The following SRGAP1 variants were observed in gnomAD, a reference collection of about 807,000 sequenced individuals.
SRGAP1 encodes the protein SLIT-ROBO Rho GTPase-activating protein 1.
SRGAP1 carries 43 observed loss-of-function variants against 121.9 expected under a neutral mutation model. The ratio of observed to expected loss-of-function variants is 0.35; its 90% CI spans 0.28 to 0.46. The LOEUF is 0.46. Ranked by LOEUF, SRGAP1 falls within the 20% of genes least tolerant of loss-of-function variation. The pLI is 1.00. For synonymous variants in SRGAP1, 447 were observed against 485.4 expected (o/e 0.92, Z 1.04); for missense variants, 1,102 against 1,350.9 (o/e 0.82, Z 2.89).
chr12:63,970,241 T>G (rs1020170141), intron 1 of SRGAP1, among the ~76,000 whole-genome samples: 4 of 151,678 alleles, frequency 2.6e-5, no homozygotes, highest in Non-Finnish European at 5.9e-5. Context: ...GGGGGAGAGG[T>G]GGTGAGAGCT....
At chr12:64,119,279 G>A (rs955199478) in intron 18 of SRGAP1, among the ~76,000 whole-genome samples, 1 of 152,060 alleles carries the variant, frequency 6.6e-6, no homozygotes, top group Non-Finnish European at 1.5e-5. Context: ...CACTGTCCTA[G>A]TTTTGATACC....
At position 63,845,019 on chromosome 12, in the gene SRGAP1, G is replaced by C. The variant is rs923419158; in HGVS notation, c.67+136G>C. On this transcript the variant is annotated intron_variant, in intron 1 of 21. Coordinates refer to ENST00000355086, the MANE Select transcript of SRGAP1 (RefSeq NM_020762.4). Reference sequence around the variant, plus strand: ...AGCTCGAGCCCTGTCTGAGCCACCTGGGCTTCCTACAAGCCAGTTAGTTCC... The same window carrying C: ...AGCTCGAGCCCTGTCTGAGCCACCTCGGCTTCCTACAAGCCAGTTAGTTCC... 7 of 836,394 alleles carry C rather than the reference G, an allele frequency of 8.4e-6. No individual in the cohort carries two copies. In the African/African-American group the frequency reaches 1.0e-4, roughly 12 times the overall value. The allele number at this position is 836,394 out of a possible 1,614,324, so 51.8% of individuals were successfully genotyped here.
In SRGAP1 at chr12:64,065,150, G is replaced by A. The variant is rs1363014488; in HGVS notation, c.1056G>A (p.Gln352=). The change falls in exon 8 of 22, where the codon CAG becomes CAA. Residue 352 remains glutamine, a synonymous_variant. Transcript: ENST00000355086. Reference sequence around the variant, plus strand: ...AGGTCAGTGCCCAGCAGCCAGTCCAGGCAGAGCTCATGCTCAGGTACCAAC... The same window carrying A: ...AGGTCAGTGCCCAGCAGCCAGTCCAAGCAGAGCTCATGCTCAGGTACCAAC... ...VCQVSAQQPV[Q]AELMLRYQQL... is the part of the protein sequence containing the mutation. The A allele has an allele frequency of 6.2e-7, 1 of 1,613,680 alleles. No individual in the cohort carries two copies. Among genetic ancestry groups the A allele is most frequent in the South Asian group, 1.1e-5 (1 of 91,004 alleles).
chr12:64,096,549 G>A (rs939984725), intron 14 of SRGAP1, among the ~76,000 whole-genome samples: 3 of 152,108 alleles, frequency 2.0e-5, no homozygotes, highest in Admixed American at 6.6e-5. Context: ...ACGCTCACCA[G>A]ACTAGTTGCC....
At chr12:63,902,749 T>A (rs1475854039) in intron 1 of SRGAP1, among the ~76,000 whole-genome samples, 1 of 152,194 alleles carries the variant, frequency 6.6e-6, no homozygotes, top group Non-Finnish European at 1.5e-5. Flanking sequence ...ATTAGTTTGC[T>A]TGCTTATTAT....
At chr12:63,907,152 T>C (rs2030252828) in intron 1 of SRGAP1, among the ~76,000 whole-genome samples, 1 of 152,210 alleles carries the variant, frequency 6.6e-6, no homozygotes, top group Non-Finnish European at 1.5e-5. Flanking sequence ...TGCACTTCCC[T>C]GATGGTTAAG....
At position 64,158,264 on chromosome 12, in the gene SRGAP1, G is replaced by A. The variant is rs2037180548; in HGVS notation, c.*15592G>A. The A allele has an allele frequency of 6.6e-6, 1 of 152,158 alleles. No individual in the cohort carries two copies. The highest frequency in any genetic ancestry group is 1.5e-5 in the Non-Finnish European group (1 of 68,022). The allele number at this position is 152,158 out of a possible 1,614,324, so 9.4% of individuals were successfully genotyped here. A position where few individuals can be genotyped will look rare whatever the true frequency, so the allele number is the denominator to read the frequency against. ...TGTTTCTAAATTAAAACTATTTCCT[G>A]CTTTGTATTTGTCCTTTATTCCAAA... is the stretch of plus-strand genomic sequence containing the variant. On this transcript the variant is annotated 3_prime_UTR_variant, in exon 22 of 22. Transcript: ENST00000355086.
chr12:64,053,308 C>T lies in SRGAP1; in HGVS notation c.802-9609C>T, dbSNP rs1428186988. ...TAGCCATAGATAATAAGTAAGCAAACGGGTGTGGTTGTATTGCAGTCAGAC... is the reference window on the plus strand; with the variant it reads ...TAGCCATAGATAATAAGTAAGCAAATGGGTGTGGTTGTATTGCAGTCAGAC... On this transcript the variant is annotated intron_variant, in intron 6 of 21. Transcript: ENST00000355086. 5.3e-5 allele frequency among the ~76,000 whole-genome samples: 8 copies of T among 152,278 alleles called. No homozygotes were observed. The East Asian group carries it at 9.6e-4, about 18-fold the overall frequency.
intron 3 of SRGAP1, among the ~76,000 whole-genome samples, chr12:63,991,758 G>A (rs773796271): frequency 2.0e-5 from 3 of 152,176 alleles, no homozygotes; most frequent in Non-Finnish European, 4.4e-5. Flanking sequence ...ATCCAAATTT[G>A]TATGGCACTA....
intron 17 of SRGAP1, among the ~76,000 whole-genome samples, chr12:64,115,339 C>G (rs2036500115): frequency 6.6e-6 from 1 of 152,146 alleles, no homozygotes; most frequent in African/African-American, 2.4e-5. Flanking sequence ...ATGTATGTAT[C>G]TAATATATAT....
At chr12:64,043,122 A>T (rs1457095724) in intron 5 of SRGAP1, 150 bp downstream of exon 5, 4 of 669,244 alleles carry the variant, frequency 6.0e-6, no homozygotes, top group Non-Finnish European at 1.0e-5. Flanking sequence ...TAGGAAATAT[A>T]AAAATCATGT....
chr12:64,017,730 C>T (rs1411766579), intron 4 of SRGAP1, among the ~76,000 whole-genome samples: 1 of 149,298 alleles, frequency 6.7e-6, no homozygotes, highest in African/African-American at 2.4e-5. Context: ...TTCTTTTTTT[C>T]CCACATTTTA....
At chr12:64,060,532 C>G in intron 6 of SRGAP1, among the ~76,000 whole-genome samples, 1 of 151,994 alleles carries the variant, frequency 6.6e-6, no homozygotes, top group East Asian at 1.9e-4. Context: ...CTAACAAGCC[C>G]CTGGTGATGC....
At position 64,132,098 on chromosome 12, in the gene SRGAP1, C is replaced by A. The variant is rs554176485; in HGVS notation, c.2880+3898C>A. Among the ~76,000 whole-genome samples, 12 of 152,312 alleles carry A rather than the reference C, an allele frequency of 7.9e-5. No homozygotes were observed. In the South Asian group the frequency reaches 8.3e-4, roughly 11 times the overall value. On this transcript the variant is annotated intron_variant, in intron 21 of 21. Transcript: ENST00000355086. ...GTTGAGGCAGAAGAATCATTTGAAC[C>A]AGAGAGGTGACGTTGCAGTGAGCCA...
chr12:64,069,358 G>A (rs1275524966), intron 8 of SRGAP1, among the ~76,000 whole-genome samples: 1 of 152,200 alleles, frequency 6.6e-6, no homozygotes, highest in Non-Finnish European at 1.5e-5. Flanking sequence ...TACGTGGTTG[G>A]TGAAGATTCA....
At chr12:64,063,193 C>T (rs2136537083) in intron 7 of SRGAP1, 55 bp downstream of exon 7, 2 of 1,443,546 alleles carry the variant, frequency 1.4e-6, no homozygotes, top group African/African-American at 2.8e-5. Context: ...TATATTTCTC[C>T]TCACTTGCTA....
chr12:64,059,752 A>G (rs529161513), intron 6 of SRGAP1, among the ~76,000 whole-genome samples: 1 of 152,340 alleles, frequency 6.6e-6, no homozygotes, highest in East Asian at 1.9e-4. Flanking sequence ...CAAGAGGAAT[A>G]CAAGAGGACT....
rs1236128897 is a variant in SRGAP1 at position 63,949,179 on chromosome 12, ATATATATTT to A, written c.68-34766_68-34758del. Among the ~76,000 whole-genome samples, 41 of 92,508 alleles carry A rather than the reference ATATATATTT, an allele frequency of 4.4e-4. 2 individuals carry two copies. The highest frequency in any genetic ancestry group is 1.9e-3 in the African/African-American group (38 of 20,416). 60.7% of individuals were successfully genotyped at this position (92,508 alleles called of 152,430 possible). A position where few individuals can be genotyped will look rare whatever the true frequency, so the allele number is the denominator to read the frequency against. ...TATTTTCCATATATATATTTTTTCC[ATATATATTT>A]TTTTTTCCATATATATATATATTTT... On this transcript the variant is annotated intron_variant, in intron 1 of 21. Coordinates refer to ENST00000355086, the MANE Select transcript of SRGAP1 (RefSeq NM_020762.4).
intron 8 of SRGAP1, among the ~76,000 whole-genome samples, chr12:64,075,495 C>T (rs1161210464): frequency 6.6e-6 from 1 of 152,166 alleles, no homozygotes; most frequent in African/African-American, 2.4e-5. Context: ...AGTTTATGGC[C>T]AGATTTTGGG....
Sources: gnomAD v4.1 joint callset for allele counts (sites outside exome capture counted in the v4.1 genomes callset) on GRCh38, gnomAD v4.1.1 for gene constraint, MANE v1.5 for transcripts, NCBI Gene and HGNC (gene_info 2026-07-23, HGNC 2026-07-21) for gene names.